CFAP90: variants seen among roughly 807,000 people sequenced by gnomAD.
CFAP90 encodes the protein cilia and flagella associated protein 90, also known as cilia- and flagella-associated protein 90.
the CFAP90 span, among the ~76,000 whole-genome samples, chr5:7,838,953 T>C: frequency 1.3e-5 from 2 of 152,214 alleles, no homozygotes; most frequent in East Asian, 3.9e-4. Context: ...TTCATGCTGC[T>C]GATAAAGACA....
At chr5:7,833,475 TATAC>T in the CFAP90 span, among the ~76,000 whole-genome samples, 3,802 of 148,750 alleles carry the variant, frequency 0.026, 167 homozygotes, top group African/African-American at 0.088. Flanking sequence ...TGCACACACA[TATAC>T]ACACATATAT....
At chr5:7,840,242 A>G in the CFAP90 span, among the ~76,000 whole-genome samples, 1 of 152,170 alleles carries the variant, frequency 6.6e-6, no homozygotes, top group African/African-American at 2.4e-5. Context: ...GTGCTTGATC[A>G]CCTACCCTCA....
the CFAP90 span, among the ~76,000 whole-genome samples, chr5:7,839,697 G>C: frequency 6.6e-6 from 1 of 152,170 alleles, no homozygotes; most frequent in Non-Finnish European, 1.5e-5. Flanking sequence ...TGGATTAGTT[G>C]CCAACAGTCT....
the CFAP90 span, chr5:7,831,910 G>A: frequency 7.4e-6 from 12 of 1,614,126 alleles, no homozygotes; most frequent in East Asian, 2.2e-5. Flanking sequence ...CGTTCTTCCT[G>A]TAGAAGTCAG....
the CFAP90 span, among the ~76,000 whole-genome samples, chr5:7,842,346 C>T: frequency 6.6e-6 from 1 of 151,394 alleles, no homozygotes; most frequent in African/African-American, 2.4e-5. Context: ...AAAATTAATA[C>T]CTTTTGTCAT....
chr5:7,831,674 A>G, the CFAP90 span: 2 of 576,250 alleles, frequency 3.5e-6, no homozygotes, highest in South Asian at 2.5e-5. Flanking sequence ...TAACCCAGCA[A>G]CCTGAGGGGG....
the CFAP90 span, among the ~76,000 whole-genome samples, chr5:7,840,056 G>C: frequency 6.6e-6 from 1 of 151,934 alleles, no homozygotes; most frequent in South Asian, 2.1e-4. Flanking sequence ...TCACAAGACA[G>C]AGCTTCTGAA....
chr5:7,840,056 G>A, the CFAP90 span, among the ~76,000 whole-genome samples: 1 of 151,934 alleles, frequency 6.6e-6, no homozygotes, highest in Non-Finnish European at 1.5e-5. Flanking sequence ...TCACAAGACA[G>A]AGCTTCTGAA....
the CFAP90 span, among the ~76,000 whole-genome samples, chr5:7,846,888 A>C: frequency 6.6e-6 from 1 of 152,102 alleles, no homozygotes; most frequent in Non-Finnish European, 1.5e-5. Flanking sequence ...CTGAGACTAG[A>C]GGTATGGCCA....
the CFAP90 span, chr5:7,851,125 C>T: frequency 3.3e-6 from 4 of 1,207,002 alleles, no homozygotes; most frequent in East Asian, 9.5e-5. Flanking sequence ...CAGCGTCTAG[C>T]CCGCGTCTGT....
chr5:7,833,391 C>T, the CFAP90 span, among the ~76,000 whole-genome samples: 1 of 151,948 alleles, frequency 6.6e-6, no homozygotes, highest in Non-Finnish European at 1.5e-5. Context: ...AATATATACA[C>T]ATCCACCTAC....
the CFAP90 span, among the ~76,000 whole-genome samples, chr5:7,834,161 G>A: frequency 3.3e-5 from 5 of 152,134 alleles, no homozygotes; most frequent in Non-Finnish European, 7.3e-5. Flanking sequence ...AGCTCCATGC[G>A]TGTTGCGTGA....
chr5:7,833,669 A>T, the CFAP90 span, among the ~76,000 whole-genome samples: 44 of 152,352 alleles, frequency 2.9e-4, no homozygotes, highest in Middle Eastern at 0.014. Flanking sequence ...ATGCCTATAT[A>T]CATGCATACA....
chr5:7,850,761 C>G, the CFAP90 span: 7 of 1,131,262 alleles, frequency 6.2e-6, no homozygotes, highest in Non-Finnish European at 7.8e-6. Context: ...CCTTCTCCCC[C>G]GCCCCTCCGC....
chr5:7,840,983 A>C, the CFAP90 span, among the ~76,000 whole-genome samples: 1 of 152,318 alleles, frequency 6.6e-6, no homozygotes, highest in African/African-American at 2.4e-5. Flanking sequence ...ACAAAGCAAA[A>C]ATTGACATAT....
At chr5:7,844,077 T>C in the CFAP90 span, among the ~76,000 whole-genome samples, 1 of 152,120 alleles carries the variant, frequency 6.6e-6, no homozygotes, top group South Asian at 2.1e-4. Context: ...CATTCCTCTC[T>C]CATAAATGGG....
the CFAP90 span, among the ~76,000 whole-genome samples, chr5:7,847,706 G>T: frequency 6.6e-6 from 1 of 152,206 alleles, no homozygotes; most frequent in Non-Finnish European, 1.5e-5. Context: ...TCCAAGTGAT[G>T]GAGTCCCAGT....
At chr5:7,849,427 C>CATA in the CFAP90 span, among the ~76,000 whole-genome samples, 1 of 152,126 alleles carries the variant, frequency 6.6e-6, no homozygotes. Flanking sequence ...TAATCTATAT[C>CATA]CCTCTCTACC....
chr5:7,835,404 A>C, the CFAP90 span: 2 of 1,597,142 alleles, frequency 1.3e-6, no homozygotes, highest in East Asian at 2.2e-5. Flanking sequence ...ATGAAGTCCC[A>C]GGCTTTTTGC....
Sources: gnomAD v4.1 joint callset for allele counts (sites outside exome capture counted in the v4.1 genomes callset) on GRCh38, gnomAD v4.1.1 for gene constraint, MANE v1.5 for transcripts, NCBI Gene and HGNC (gene_info 2026-07-23, HGNC 2026-07-21) for gene names.